Variants in FBXW7 observed in about 807,000 individuals in gnomAD.
FBXW7 encodes the protein F-box/WD repeat-containing protein 7.
In FBXW7, 11 loss-of-function variants were observed where a neutral mutation model predicts 86.3. The ratio of observed to expected loss-of-function variants is 0.13; its 90% CI spans 0.08 to 0.21. The LOEUF (loss-of-function observed/expected upper bound fraction) is 0.21, where lower values mean the gene tolerates loss of function less well. Ranked by LOEUF, FBXW7 falls within the 10% of genes least tolerant of loss-of-function variation. The pLI is 1.00. For missense variants in FBXW7, 488 were observed against 847.4 expected (o/e 0.58, Z 5.27); for synonymous variants, 313 against 297.9 (o/e 1.05, Z -0.52).
intron 2 of FBXW7, among the ~76,000 whole-genome samples, chr4:152,486,534 C>T (rs1411713822): frequency 6.6e-6 from 1 of 151,954 alleles, no homozygotes; most frequent in African/African-American, 2.4e-5. Flanking sequence ...TTAGACTAGC[C>T]CTACACAGGG....
At chr4:152,363,447 T>C (rs1184994377) in intron 4 of FBXW7, among the ~76,000 whole-genome samples, 1 of 152,170 alleles carries the variant, frequency 6.6e-6, no homozygotes, top group East Asian at 1.9e-4. Context: ...ATTTGACTAA[T>C]AAGTGAAACT....
chr4:152,397,129 T>C (rs1004590762), intron 4 of FBXW7, among the ~76,000 whole-genome samples: 26 of 152,032 alleles, frequency 1.7e-4, no homozygotes, highest in Admixed American at 1.5e-3. Flanking sequence ...GTAAACAGTG[T>C]GTTTCCTCTA....
At position 152,362,645 on chromosome 4, in the gene FBXW7, T is replaced by C. The variant is rs201519348; in HGVS notation, c.502-12521A>G. ...CCAGGCCATCACCTGGCCAAGATGGTGAAACCCCGTCTCCACTGAAAATAT... is the reference window on the plus strand; with the variant it reads ...CCAGGCCATCACCTGGCCAAGATGGCGAAACCCCGTCTCCACTGAAAATAT... On this transcript the variant is annotated intron_variant, in intron 4 of 13. Transcript: ENST00000281708. 2.1e-4 allele frequency among the ~76,000 whole-genome samples: 32 copies of C among 151,902 alleles called. No individual in the cohort carries two copies. The East Asian group carries it at 6.0e-3, about 28-fold the overall frequency.
At chr4:152,404,926 T>G (rs1185444905) in intron 4 of FBXW7, among the ~76,000 whole-genome samples, 5 of 151,580 alleles carry the variant, frequency 3.3e-5, no homozygotes, top group Non-Finnish European at 5.9e-5. Flanking sequence ...GACCTTGTCT[T>G]TACAGATAAT....
intron 2 of FBXW7, among the ~76,000 whole-genome samples, chr4:152,439,637 G>A (rs543336333): frequency 5.3e-5 from 8 of 152,090 alleles, no homozygotes; most frequent in Admixed American, 2.6e-4. Context: ...AGGCTGAGGC[G>A]GGCCGATCAC....
intron 6 of FBXW7, among the ~76,000 whole-genome samples, chr4:152,345,022 A>G (rs923712897): frequency 3.9e-5 from 6 of 152,206 alleles, no homozygotes; most frequent in Non-Finnish European, 8.8e-5. Flanking sequence ...ATGAAATCAG[A>G]ATGATATATG....
At chr4:152,352,640 G>C in intron 4 of FBXW7, 1 of 1,613,856 alleles carries the variant, frequency 6.2e-7, no homozygotes, top group South Asian at 1.1e-5. Flanking sequence ...AGGCACGTCA[G>C]AAAAGGAAGA....
chr4:152,421,130 T>C (rs1359234226), intron 2 of FBXW7, among the ~76,000 whole-genome samples: 2 of 152,148 alleles, frequency 1.3e-5, no homozygotes, highest in Non-Finnish European at 2.9e-5. Context: ...CTTGCTACTT[T>C]ACCTTGTACT....
intron 6 of FBXW7, among the ~76,000 whole-genome samples, chr4:152,340,134 A>G (rs1223785649): frequency 6.6e-6 from 1 of 152,150 alleles, no homozygotes; most frequent in Non-Finnish European, 1.5e-5. Context: ...ATAACAAAAC[A>G]TATCTAAGAC....
chr4:152,437,692 C>T (rs990156025), intron 2 of FBXW7, among the ~76,000 whole-genome samples: 1 of 152,134 alleles, frequency 6.6e-6, no homozygotes, highest in Non-Finnish European at 1.5e-5. Flanking sequence ...ACAGAGAAAT[C>T]GTTCATGACA....
At chr4:152,403,644 G>A (rs1453025445) in intron 4 of FBXW7, among the ~76,000 whole-genome samples, 1 of 152,082 alleles carries the variant, frequency 6.6e-6, no homozygotes, top group African/African-American at 2.4e-5. Context: ...CTCTCGGAAG[G>A]AGCATACAAC....
chr4:152,464,341 A>C (rs957657655), intron 2 of FBXW7, among the ~76,000 whole-genome samples: 17 of 152,166 alleles, frequency 1.1e-4, no homozygotes, highest in Admixed American at 1.1e-3. Context: ...TAGAGGAAAG[A>C]AGGGCTAAGA....
chr4:152,502,462 C>T (rs561207580), intron 2 of FBXW7, among the ~76,000 whole-genome samples: 3 of 152,170 alleles, frequency 2.0e-5, no homozygotes, highest in East Asian at 1.9e-4. Context: ...CACCGTACTG[C>T]GTTTACTTAA....
chr4:152,529,104 CCACT>C (rs1749786469), intron 2 of FBXW7, among the ~76,000 whole-genome samples: 2 of 152,122 alleles, frequency 1.3e-5, no homozygotes. Context: ...TTTCCCTGGT[CCACT>C]CAAAGTATCA....
chr4:152,353,185 T>A (rs950405773), intron 4 of FBXW7, among the ~76,000 whole-genome samples: 3 of 152,188 alleles, frequency 2.0e-5, no homozygotes, highest in African/African-American at 7.2e-5. Context: ...AGGCAAAGCA[T>A]GCTATTTTCA....
intron 4 of FBXW7, among the ~76,000 whole-genome samples, chr4:152,353,838 T>G (rs913748181): frequency 6.6e-6 from 1 of 152,178 alleles, no homozygotes; most frequent in Non-Finnish European, 1.5e-5. Flanking sequence ...TTCCTTGAGC[T>G]AGAAAAGCCC....
chr4:152,369,811 A>T (rs1363572582), intron 4 of FBXW7, among the ~76,000 whole-genome samples: 1 of 151,990 alleles, frequency 6.6e-6, no homozygotes, highest in Non-Finnish European at 1.5e-5. Context: ...CAGACAATAA[A>T]AATGCATTTT....
At chr4:152,439,141 C>T (rs1187246283) in intron 2 of FBXW7, among the ~76,000 whole-genome samples, 1 of 152,150 alleles carries the variant, frequency 6.6e-6, no homozygotes, top group Non-Finnish European at 1.5e-5. Flanking sequence ...TAGTTAATGG[C>T]TTTAAACTGC....
chr4:152,336,534 T>C (rs1466813762), intron 7 of FBXW7, among the ~76,000 whole-genome samples: 1 of 151,966 alleles, frequency 6.6e-6, no homozygotes, highest in East Asian at 1.9e-4. Context: ...ATATCAAAGG[T>C]GAATAAAATC....
Sources: gnomAD v4.1 joint callset for allele counts (sites outside exome capture counted in the v4.1 genomes callset) on GRCh38, gnomAD v4.1.1 for gene constraint, MANE v1.5 for transcripts, NCBI Gene and HGNC (gene_info 2026-07-23, HGNC 2026-07-21) for gene names.